MYH3: variants seen among roughly 807,000 people sequenced by gnomAD.
MYH3 encodes myosin-3.
Under a neutral mutation model 238.0 loss-of-function variants are expected in MYH3, and 130 were observed. The observed-to-expected ratio is 0.55, with a 90% CI of 0.47 to 0.63. MYH3 has a LOEUF of 0.63. MYH3 is among the 30% of genes least tolerant of loss of function. The probability of loss-of-function intolerance (pLI) is 0.00; values close to 1 mark genes in which losing one functional copy is unlikely to be tolerated. For synonymous variants in MYH3, 880 were observed against 924.1 expected, an observed-to-expected ratio of 0.95 and a Z score of 0.86; for missense variants, 1,853 against 2,374.9, an observed-to-expected ratio of 0.78 and a Z score of 4.57.
At position 10,644,505 on chromosome 17, in the gene MYH3, C is replaced by T. The variant is rs757023263; in HGVS notation, c.1261-5G>A. The T allele has an allele frequency of 2.5e-6, 4 of 1,614,184 alleles. No homozygotes were observed. In the South Asian group the frequency reaches 4.4e-5, roughly 18 times the overall value. On this transcript the variant is annotated splice_region_variant and splice_polypyrimidine_tract_variant and intron_variant, in intron 13 of 40. Transcript: ENST00000583535. ...AGCATTCACAGCATGGTGAACCTAT[C>T]AGGGGAAAGATCAGCTACTGGATAT...
chr17:10,641,226 G>A, intron 18 of MYH3, 24 bp from the exon 19 acceptor site: 1 of 1,611,264 alleles, frequency 6.2e-7, no homozygotes, highest in Non-Finnish European at 8.5e-7. Context: ...CGAGATATCA[G>A]CCTTACACAG....
chr17:10,630,042 G>A (rs1255199243), intron 38 of MYH3, 50 bp downstream of exon 38: 2 of 1,605,636 alleles, frequency 1.2e-6, no homozygotes, highest in African/African-American at 2.7e-5. Flanking sequence ...GTTTGATGGA[G>A]AATCTGCACG....
the MYH3 span, among the ~76,000 whole-genome samples, chr17:10,667,253 T>C: frequency 6.6e-6 from 1 of 152,200 alleles, no homozygotes; most frequent in South Asian, 2.1e-4. Flanking sequence ...AATACTAAAA[T>C]ACTGTGAGCA....
rs758692706 is a variant in MYH3, at chr17:10,651,687, A to G, written c.349-19T>C. 6.8e-6 allele frequency: 11 copies of G among 1,612,408 alleles called. No homozygotes were observed. In the East Asian group the frequency reaches 2.2e-4, roughly 33 times the overall value. Reference sequence around the variant, plus strand: ...AGTAGGTCTGTGGGAGGAAAAACATATACGTGCGTATATGTATGTATGTGC... The same window carrying G: ...AGTAGGTCTGTGGGAGGAAAAACATGTACGTGCGTATATGTATGTATGTGC... On this transcript the variant is annotated intron_variant, in intron 4 of 40. Coordinates refer to ENST00000583535, the MANE Select transcript of MYH3 (RefSeq NM_002470.4).
chr17:10,636,666 A>G (rs958883808), intron 28 of MYH3, among the ~76,000 whole-genome samples: 9 of 152,300 alleles, frequency 5.9e-5, no homozygotes, highest in Admixed American at 3.9e-4. Flanking sequence ...CTGTAATCCC[A>G]GCACTTTGGG....
chr17:10,646,074 G>GA (rs1397555011), intron 10 of MYH3, 42 bp from the exon 11 acceptor site: 1 of 1,557,814 alleles, frequency 6.4e-7, no homozygotes, highest in Non-Finnish European at 8.8e-7. Context: ...CAGATGCAAA[G>GA]AAAAAACCCA....
chr17:10,665,934 A>T, the MYH3 span, among the ~76,000 whole-genome samples: 1 of 152,214 alleles, frequency 6.6e-6, no homozygotes, highest in East Asian at 1.9e-4. Context: ...CAGCATAGAG[A>T]GTCCAGAAGG....
Position 10,628,549 on chromosome 17 carries a change from T to C in MYH3, c.*104A>G. On this transcript the variant is annotated 3_prime_UTR_variant, in exon 41 of 41. Transcript: ENST00000583535. ...GCCCCAGATTGAAACAAAGCAAAGT[T>C]TATTGCATGTGAAAAAGAGTCACAT... 1.4e-5 allele frequency: 18 copies of C among 1,332,776 alleles called. No individual in the cohort carries two copies. Among genetic ancestry groups the C allele is most frequent in the Non-Finnish European group, 1.7e-5 (16 of 924,384 alleles). The allele number at this position is 1,332,776 out of a possible 1,614,324, so 82.6% of individuals were successfully genotyped here. A position where few individuals can be genotyped will look rare whatever the true frequency, so the allele number is the denominator to read the frequency against.
chr17:10,646,289 T>C (rs542555205), intron 10 of MYH3, among the ~76,000 whole-genome samples: 5 of 152,286 alleles, frequency 3.3e-5, no homozygotes, highest in African/African-American at 1.2e-4. Context: ...CCTTGCACGC[T>C]AATGGTGCAT....
At chr17:10,636,477 TA>T (rs750184591) in intron 28 of MYH3, among the ~76,000 whole-genome samples, 8 of 152,072 alleles carry the variant, frequency 5.3e-5, no homozygotes, top group Non-Finnish European at 1.2e-4. Context: ...GACAAATACA[TA>T]GGGAAATACT....
rs190394192 is a variant in MYH3, at chr17:10,635,904, C to G, written c.3857-51G>C. Reference sequence around the variant, plus strand: ...TTTCATTTATTCACTCATTCACTCACCAACTTTCTATTATGTGTAGGGCAC... The same window carrying G: ...TTTCATTTATTCACTCATTCACTCAGCAACTTTCTATTATGTGTAGGGCAC... On this transcript the variant is annotated intron_variant, in intron 28 of 40. Coordinates refer to ENST00000583535, the MANE Select transcript of MYH3 (RefSeq NM_002470.4). 3.5e-3 allele frequency: 5,096 copies of G among 1,474,036 alleles called. 22 individuals carry two copies. The highest frequency in any genetic ancestry group is 4.1e-3 in the Middle Eastern group (24 of 5,802). 91.3% of individuals were successfully genotyped at this position (1,474,036 alleles called of 1,614,324 possible).
At chr17:10,670,319 C>T in the MYH3 span, among the ~76,000 whole-genome samples, 1 of 152,170 alleles carries the variant, frequency 6.6e-6, no homozygotes, top group African/African-American at 2.4e-5. This position sits in a 1 kb window ranked among gnomAD's most constrained non-coding sequence, Gnocchi z 7.0. Flanking sequence ...TTGAGCCTGG[C>T]CACGGCTTCA....
rs576097106 is a variant in MYH3 at position 10,651,905 on chromosome 17, G to A, written c.349-237C>T. On this transcript the variant is annotated intron_variant, in intron 4 of 40. Coordinates refer to ENST00000583535, the MANE Select transcript of MYH3 (RefSeq NM_002470.4). ...ACTACAGGTACATGCCATCACGCCC[G>A]GCTAATTTTTGTATTTTAGTAGAGA... The A allele has an allele frequency of 1.4e-3, 699 of 512,640 alleles. 1 individual carries two copies. Among genetic ancestry groups the A allele is most frequent in the Non-Finnish European group, 1.9e-3 (579 of 299,438 alleles). 31.8% of individuals were successfully genotyped at this position (512,640 alleles called of 1,614,324 possible). A position where few individuals can be genotyped will look rare whatever the true frequency, so the allele number is the denominator to read the frequency against.
chr17:10,675,814 G>A, the MYH3 span: 1 of 152,172 alleles, frequency 6.6e-6, no homozygotes, highest in Admixed American at 6.5e-5. Flanking sequence ...GCCACCCTAT[G>A]TTTAAGAATG....
At chr17:10,674,512 AC>A in the MYH3 span, 1 of 241,306 alleles carries the variant, frequency 4.1e-6, no homozygotes, top group South Asian at 4.3e-5. Flanking sequence ...TCTGCTAAGT[AC>A]CCCAGTGGTG....
At chr17:10,638,628 C>T (rs534495035) in intron 26 of MYH3, among the ~76,000 whole-genome samples, 196 bp from the exon 27 acceptor site, 2 of 152,298 alleles carry the variant, frequency 1.3e-5, no homozygotes, top group Non-Finnish European at 2.9e-5. Flanking sequence ...CAAACCTGAA[C>T]ATTTTCCACC....
chr17:10,635,597 T>C, intron 29 of MYH3, 34 bp from the exon 30 acceptor site: 1 of 1,614,208 alleles, frequency 6.2e-7, no homozygotes, highest in Non-Finnish European at 8.5e-7. Context: ...GCACCTGATA[T>C]ATTTAGTGCC....
chr17:10,639,899 C>T (rs1175430049), intron 22 of MYH3, 97 bp from the exon 23 acceptor site: 4 of 1,591,110 alleles, frequency 2.5e-6, no homozygotes, highest in Non-Finnish European at 2.6e-6. Context: ...AGCATTTCAA[C>T]TAAAAAGCAA....
chr17:10,659,413 G>A (rs985141868), upstream of MYH3, among the ~76,000 whole-genome samples: 4 of 152,256 alleles, frequency 2.6e-5, no homozygotes, highest in East Asian at 5.8e-4. Context: ...AGGAGAAAAC[G>A]TCACAGACTC....
Sources: gnomAD v4.1 joint callset for allele counts (sites outside exome capture counted in the v4.1 genomes callset) on GRCh38, gnomAD v4.1.1 for gene constraint, Gnocchi (gnomAD v3.1) non-coding constraint, MANE v1.5 for transcripts, NCBI Gene and HGNC (gene_info 2026-07-23, HGNC 2026-07-21) for gene names.